The following NCOR2 variants were observed in gnomAD, a reference collection of about 807,000 sequenced individuals.
NCOR2 encodes nuclear receptor corepressor 2, also known as CTG repeat protein 26.
NCOR2 carries 81 observed loss-of-function variants against 262.9 expected under a neutral mutation model. That is an observed-to-expected ratio of 0.31 (90% CI 0.26 to 0.37). The LOEUF is 0.37. Among genes scored for constraint, NCOR2 ranks in the 10% least tolerant of loss-of-function variants. The pLI is 1.00. For synonymous variants in NCOR2, 1,659 were observed against 1,559.3 expected (o/e 1.06, Z -1.51); for missense variants, 3,385 against 3,621.4 (o/e 0.93, Z 1.68).
At chr12:124,448,681 G>C (rs1476758927) in intron 7 of NCOR2, among the ~76,000 whole-genome samples, 1 of 151,804 alleles carries the variant, frequency 6.6e-6, no homozygotes, top group African/African-American at 2.4e-5. Context: ...GCTTGGACCA[G>C]TCGCGCAACT....
intron 1 of NCOR2, among the ~76,000 whole-genome samples, chr12:124,558,892 T>G (rs2051976124): frequency 6.6e-6 from 1 of 152,196 alleles, no homozygotes; most frequent in South Asian, 2.1e-4. Context: ...GAACTCCGCG[T>G]GGAGCCTTTA....
At chr12:124,536,133 T>G (rs1256392821), upstream of NCOR2, among the ~76,000 whole-genome samples, 3 of 152,308 alleles carry the variant, frequency 2.0e-5, no homozygotes, top group African/African-American at 7.2e-5. Context: ...GCTCTGTCAC[T>G]CAGGCTGGGG....
rs184264037 is a variant in NCOR2 at position 124,492,644 on chromosome 12, T to A, written c.105+2503A>T. Among the ~76,000 whole-genome samples the A allele has an allele frequency of 2.0e-5, 3 of 152,248 alleles. No homozygotes were observed. In the East Asian group the frequency reaches 5.8e-4, roughly 29 times the overall value. ...CTGTCCCCTTACCCGGGGGGATCTGTCTTTCTGTGGCTTGATGAGGAGCTC... is the reference window on the plus strand; with the variant it reads ...CTGTCCCCTTACCCGGGGGGATCTGACTTTCTGTGGCTTGATGAGGAGCTC... On this transcript the variant is annotated intron_variant, in intron 1 of 46. Coordinates refer to ENST00000405201, the Ensembl canonical transcript of NCOR2.
rs116134713 is a variant in NCOR2 at position 124,357,673 on chromosome 12, C to G, written c.3101-891G>C. Among the ~76,000 whole-genome samples the G allele has an allele frequency of 4.0e-3, 605 of 152,392 alleles. 6 individuals carry two copies. The highest frequency in any genetic ancestry group is 0.014 in the African/African-American group (566 of 41,598). ...CATTTATGTATTGTCTATGGCAGAG[C>G]TGAATCCTTGCAACAGAGATTGTCT... is the stretch of plus-strand genomic sequence containing the variant. On this transcript the variant is annotated intron_variant, in intron 22 of 46. Transcript: ENST00000405201.
At position 124,484,657 on chromosome 12, in the gene NCOR2, G is replaced by C. The variant is rs74332526; in HGVS notation, c.234-884C>G. ...TGCTGGGCTCTGCCTGGAGCACTGAGACCTCAGGCCCTCCATGTGAGCTCC... is the reference window on the plus strand; with the variant it reads ...TGCTGGGCTCTGCCTGGAGCACTGACACCTCAGGCCCTCCATGTGAGCTCC... On this transcript the variant is annotated intron_variant, in intron 2 of 46. Transcript: ENST00000405201. Among the ~76,000 whole-genome samples the C allele has an allele frequency of 5.7e-3, 861 of 152,314 alleles. 40 individuals carry two copies. In the East Asian group the frequency reaches 0.11, roughly 19 times the overall value.
chr12:124,336,439 G>T, intron 38 of NCOR2: 1 of 310,070 alleles, frequency 3.2e-6, no homozygotes, highest in Non-Finnish European at 5.6e-6. Context: ...AAAATGATGT[G>T]CAAATGATGA....
upstream of NCOR2, chr12:124,537,960 C>T: frequency 6.6e-6 from 1 of 152,432 alleles, no homozygotes; most frequent in African/African-American, 2.4e-5. Context: ...CAGGGAGGGC[C>T]CGGGCACATC....
In NCOR2 at chr12:124,549,648, G is replaced by A. The variant is rs1027873868; in HGVS notation, c.-164-14037C>T. ...CTGACTCCCCACTGCAACCCAGGAG[G>A]TAAATGCTATTACGAACACCCTTCT... On this transcript the variant is annotated intron_variant, in intron 1 of 32. Transcript: ENST00000458234. The surrounding 1 kb of genome is among the most constrained non-coding windows in gnomAD (Gnocchi z 4.4). Among the ~76,000 whole-genome samples the A allele has an allele frequency of 6.6e-6, 1 of 152,170 alleles. No homozygotes were observed. The highest frequency in any genetic ancestry group is 1.5e-5 in the Non-Finnish European group (1 of 68,030).
In NCOR2 at chr12:124,453,927, G is replaced by A. The variant is rs186038669; in HGVS notation, c.762+3179C>T. On this transcript the variant is annotated intron_variant, in intron 6 of 46. Coordinates refer to ENST00000405201, the Ensembl canonical transcript of NCOR2. ...TCCTCCAGGAAGGCCACAGGGATCC[G>A]TCCCTGCCGAGGGGAGGGGCGTTGG... is the stretch of plus-strand genomic sequence containing the variant. Among the ~76,000 whole-genome samples, 896 of 152,314 alleles carry A rather than the reference G, an allele frequency of 5.9e-3. 9 individuals are homozygous for A. The highest frequency in any genetic ancestry group is 0.013 in the Admixed American group (194 of 15,302).
At chr12:124,387,467 C>G (rs2040899674) in intron 16 of NCOR2, among the ~76,000 whole-genome samples, 1 of 152,242 alleles carries the variant, frequency 6.6e-6, no homozygotes, top group Middle Eastern at 3.2e-3. Context: ...GTCCCGCCAA[C>G]TCACCCAAGC....
chr12:124,543,874 C>G (rs1191387152), intron 1 of NCOR2, among the ~76,000 whole-genome samples: 1 of 152,242 alleles, frequency 6.6e-6, no homozygotes, highest in Non-Finnish European at 1.5e-5. Flanking sequence ...CAGGCACCGA[C>G]AGCCCCTCGG....
At chr12:124,516,490 C>T (rs1285498169) in intron 1 of NCOR2, among the ~76,000 whole-genome samples, 3 of 152,174 alleles carry the variant, frequency 2.0e-5, no homozygotes, top group Non-Finnish European at 4.4e-5. Flanking sequence ...GAGCTCTCTG[C>T]AAAGAAGAAA....
chr12:124,459,073 C>G (rs1344088799), intron 5 of NCOR2, among the ~76,000 whole-genome samples: 2 of 152,102 alleles, frequency 1.3e-5, no homozygotes, highest in Non-Finnish European at 2.9e-5. Flanking sequence ...TTAGTATGCT[C>G]AGGCAGATAA....
intron 3 of NCOR2, among the ~76,000 whole-genome samples, chr12:124,479,254 A>G (rs2047271634): frequency 6.6e-6 from 1 of 151,930 alleles, no homozygotes; most frequent in Non-Finnish European, 1.5e-5. Context: ...ACACACACGC[A>G]CACACAAACA....
At chr12:124,332,821 A>G (rs2035322287) in intron 42 of NCOR2, among the ~76,000 whole-genome samples, 1 of 151,952 alleles carries the variant, frequency 6.6e-6, no homozygotes, top group Non-Finnish European at 1.5e-5. Context: ...CACCTCACCC[A>G]TCGCCCCCGG....
At chr12:124,347,795 G>A (rs1566376253) in intron 30 of NCOR2, 30 bp downstream of exon 32, 21 of 1,550,450 alleles carry the variant, frequency 1.4e-5, no homozygotes, top group Non-Finnish European at 1.8e-5. Context: ...CCCGTTGGGG[G>A]CAACGAGGGA....
chr12:124,513,528 A>G (rs1434305791), intron 1 of NCOR2: 1 of 152,246 alleles, frequency 6.6e-6, no homozygotes, highest in African/African-American at 2.4e-5. Context: ...CATGCTAAGC[A>G]TGACCTTGAG....
rs1196451711 is a variant in NCOR2 at position 124,503,511 on chromosome 12, T to C, written c.-117-8143A>G. 1.3e-5 allele frequency among the ~76,000 whole-genome samples: 2 copies of C among 149,640 alleles called. No individual in the cohort carries two copies. The highest frequency in any genetic ancestry group is 6.6e-5 in the Admixed American group (1 of 15,074). ...ATGGATTGATGGATGGATGGATGGATGGACAGAGGATGGACAGATGAATGG... is the reference window on the plus strand; with the variant it reads ...ATGGATTGATGGATGGATGGATGGACGGACAGAGGATGGACAGATGAATGG... On this transcript the variant is annotated intron_variant, in intron 1 of 46. Coordinates refer to the NCOR2 transcript ENST00000404621. The surrounding 1 kb of genome is among the most constrained non-coding windows in gnomAD (Gnocchi z 4.3).
chr12:124,502,559 G>C (rs1566003761), intron 1 of NCOR2, among the ~76,000 whole-genome samples: 1 of 152,176 alleles, frequency 6.6e-6, no homozygotes, highest in Non-Finnish European at 1.5e-5. Flanking sequence ...AGGTGCAAAG[G>C]CCCAGAGGCA....
Sources: allele counts gnomAD v4.1 joint callset (sites outside exome capture counted in the v4.1 genomes callset), GRCh38; gene constraint gnomAD v4.1.1; non-coding constraint Gnocchi (gnomAD v3.1); transcripts MANE v1.5; gene names NCBI Gene and HGNC (gene_info 2026-07-23, HGNC 2026-07-21).